The following CUL3 variants were observed in gnomAD, a reference collection of about 807,000 sequenced individuals.
The protein encoded by CUL3 is cullin-3.
Under a neutral mutation model 89.1 loss-of-function variants are expected in CUL3, and 19 were observed. That is an observed-to-expected ratio of 0.21 (90% CI 0.15 to 0.31). The LOEUF (loss-of-function observed/expected upper bound fraction) is 0.31, where lower values mean the gene tolerates loss of function less well. Ranked by LOEUF, CUL3 falls within the 10% of genes least tolerant of loss-of-function variation. The pLI is 1.00. For missense variants in CUL3, 469 were observed against 942.3 expected (o/e 0.50, Z 6.58); for synonymous variants, 351 against 308.4 (o/e 1.14, Z -1.45).
chr2:224,562,459 G>GA (rs1483548902), intron 1 of CUL3, among the ~76,000 whole-genome samples: 1 of 152,010 alleles, frequency 6.6e-6, no homozygotes, highest in Non-Finnish European at 1.5e-5. Context: ...CCAACATGGT[G>GA]AAACCCCATC....
intron 2 of CUL3, among the ~76,000 whole-genome samples, chr2:224,553,975 C>A (rs1270839919): frequency 1.3e-5 from 2 of 152,162 alleles, no homozygotes. Context: ...TGACTGCTCA[C>A]GTAACTTCAA....
In CUL3 at chr2:224,549,006, AAAC is replaced by A. The variant is rs534685744; in HGVS notation, c.264+8650_264+8652del. Reference sequence around the variant, plus strand: ...AACACAATAAGGCCTGGTCTCCAAAAAACAACAACAACAACAACAACAAAAAAG... The same window carrying A: ...AACACAATAAGGCCTGGTCTCCAAAAAACAACAACAACAACAACAAAAAAG... On this transcript the variant is annotated intron_variant, in intron 2 of 15. Transcript: ENST00000264414. Among the ~76,000 whole-genome samples the A allele has an allele frequency of 4.6e-4, 70 of 150,890 alleles. No individual in the cohort carries two copies. In the South Asian group the frequency reaches 8.4e-3, roughly 18 times the overall value.
chr2:224,498,384 T>C (rs1692248585), intron 11 of CUL3, among the ~76,000 whole-genome samples: 1 of 152,216 alleles, frequency 6.6e-6, no homozygotes, highest in African/African-American at 2.4e-5. Context: ...TTATGTTTTT[T>C]GTCACTATCC....
In CUL3 at chr2:224,470,465, G is replaced by A; in HGVS notation, c.*3780C>T. 1 of 230,216 alleles carries A rather than the reference G, an allele frequency of 4.3e-6. No individual in the cohort carries two copies. The highest frequency in any genetic ancestry group is 8.6e-6 in the Non-Finnish European group (1 of 116,364). The allele number at this position is 230,216 out of a possible 1,614,324, so 14.3% of individuals were successfully genotyped here. On this transcript the variant is annotated 3_prime_UTR_variant, in exon 16 of 16. Transcript: ENST00000264414. ...TTTTCTCCTGAGAGCTGGCGTAATG[G>A]CCAATCTCTGTATCATTACCTGTTA... is the stretch of plus-strand genomic sequence containing the variant.
chr2:224,490,513 C>T (rs1010124958), intron 13 of CUL3, among the ~76,000 whole-genome samples: 2 of 152,088 alleles, frequency 1.3e-5, no homozygotes, highest in Middle Eastern at 3.4e-3. Context: ...GGTAGTGGTC[C>T]CCCGGGCCCA....
Position 224,485,067 on chromosome 2 carries a change from A to C in CUL3, c.1843-2989T>G, listed in dbSNP as rs968560892. On this transcript the variant is annotated intron_variant, in intron 13 of 15. Coordinates refer to ENST00000264414, the MANE Select transcript of CUL3 (RefSeq NM_003590.5). The surrounding 1 kb of genome is among the most constrained non-coding windows in gnomAD (Gnocchi z 4.1). ...CCTCCCCTAGCCAAGGGAAGCCCTG[A>C]GGGACTGTGCTATCTGGCCCAAATA... is the stretch of plus-strand genomic sequence containing the variant. The C allele has an allele frequency of 6.6e-6, 1 of 152,310 alleles. No homozygotes were observed. Among genetic ancestry groups the C allele is most frequent in the Non-Finnish European group, 1.5e-5 (1 of 68,118 alleles). The allele number at this position is 152,310 out of a possible 1,614,324, so 9.4% of individuals were successfully genotyped here. A position where few individuals can be genotyped will look rare whatever the true frequency, so the allele number is the denominator to read the frequency against.
At position 224,470,435 on chromosome 2, in the gene CUL3, GTTGT is replaced by G. The variant is rs1178672678; in HGVS notation, c.*3806_*3809del. On this transcript the variant is annotated 3_prime_UTR_variant, in exon 16 of 16. Coordinates refer to ENST00000264414, the MANE Select transcript of CUL3 (RefSeq NM_003590.5). ...AATGCACGGGTTTCAAGACATCCTA[GTTGT>G]TTTTCTCCTGAGAGCTGGCGTAATG... The G allele has an allele frequency of 1.3e-5, 3 of 230,464 alleles. No individual in the cohort carries two copies. Among genetic ancestry groups the G allele is most frequent in the Middle Eastern group, 1.3e-3 (1 of 800 alleles). 14.3% of individuals were successfully genotyped at this position (230,464 alleles called of 1,614,324 possible).
chr2:224,557,883 CAAAAAAAA>C (rs748754000), intron 1 of CUL3, 27 bp from the exon 2 acceptor site: 17 of 112,598 alleles, frequency 1.5e-4, no homozygotes, highest in African/African-American at 2.3e-4. Flanking sequence ...AGAGAAGAGA[CAAAAAAAA>C]AAAAAAAAAA....
In CUL3 at chr2:224,472,208, A is replaced by C. The variant is rs947600979; in HGVS notation, c.*2037T>G. ...CTCCAAAGTTAACAAGTATGTCTCT[A>C]AACTCTAGATCTGATTTTTACAGCC... On this transcript the variant is annotated 3_prime_UTR_variant, in exon 16 of 16. Coordinates refer to ENST00000264414, the MANE Select transcript of CUL3 (RefSeq NM_003590.5). 4 of 223,978 alleles carry C rather than the reference A, an allele frequency of 1.8e-5. No individual in the cohort carries two copies. The highest frequency in any genetic ancestry group is 2.2e-5 in the African/African-American group (1 of 44,874). The allele number at this position is 223,978 out of a possible 1,614,324, so 13.9% of individuals were successfully genotyped here. A position where few individuals can be genotyped will look rare whatever the true frequency, so the allele number is the denominator to read the frequency against.
rs1483765687 is a variant in CUL3 at position 224,585,015 on chromosome 2, T to C, written c.-6A>G. 6.7e-7 allele frequency: 1 copy of C among 1,497,676 alleles called. No individual in the cohort carries two copies. 92.8% of individuals were successfully genotyped at this position (1,497,676 alleles called of 1,614,324 possible). A position where few individuals can be genotyped will look rare whatever the true frequency, so the allele number is the denominator to read the frequency against. On this transcript the variant is annotated 5_prime_UTR_variant, in exon 1 of 16. Transcript: ENST00000264414. The stretch of plus-strand genomic sequence containing the variant: ...CCTTTGCTCAGATTCGACATGGTGC[T>C]CGTCCCCTCCCCGGCGGCGGCTTCA...
chr2:224,515,515 C>T (rs1236489366), intron 3 of CUL3, among the ~76,000 whole-genome samples: 2 of 152,096 alleles, frequency 1.3e-5, no homozygotes, highest in African/African-American at 2.4e-5. Context: ...GGTCTGTGAG[C>T]CTTCTAAAAT....
intron 2 of CUL3, among the ~76,000 whole-genome samples, chr2:224,552,201 A>G (rs903077940): frequency 1.3e-5 from 2 of 151,682 alleles, no homozygotes; most frequent in African/African-American, 4.8e-5. Context: ...GAAAAGCAGA[A>G]CTTTTTTCCT....
chr2:224,584,868 CT>C, intron 1 of CUL3, 75 bp downstream of exon 1: 5 of 1,199,524 alleles, frequency 4.2e-6, no homozygotes, highest in Non-Finnish European at 5.6e-6. Flanking sequence ...TGTTGGGGGA[CT>C]TCAGCCCGGG....
In CUL3 at chr2:224,472,703, T is replaced by G; in HGVS notation, c.*1542A>C. On this transcript the variant is annotated 3_prime_UTR_variant, in exon 16 of 16. Coordinates refer to ENST00000264414, the MANE Select transcript of CUL3 (RefSeq NM_003590.5). Reference sequence around the variant, plus strand: ...TGGAGACAAAATTGCAATAAAAGCATATTTGCAAGTCTAAAAGGAAAATTA... The same window carrying G: ...TGGAGACAAAATTGCAATAAAAGCAGATTTGCAAGTCTAAAAGGAAAATTA... The G allele has an allele frequency of 5.1e-6, 1 of 194,300 alleles. No homozygotes were observed. The highest frequency in any genetic ancestry group is 1.1e-5 in the Non-Finnish European group (1 of 92,980). The allele number at this position is 194,300 out of a possible 1,614,324, so 12.0% of individuals were successfully genotyped here.
chr2:224,497,934 A>G (rs2106184130), intron 11 of CUL3, 85 bp from the exon 12 acceptor site: 2 of 1,022,816 alleles, frequency 2.0e-6, no homozygotes, highest in Non-Finnish European at 3.1e-6. Context: ...TCCCTTAAAC[A>G]TTTGTGTGTG....
At chr2:224,513,477 A>C in intron 5 of CUL3, 47 bp downstream of exon 5, 1 of 1,217,396 alleles carries the variant, frequency 8.2e-7, no homozygotes, top group South Asian at 1.3e-5. Context: ...ATTAAATAAC[A>C]TTAAGAACAT....
chr2:224,526,657 A>G (rs2106247214), intron 3 of CUL3, among the ~76,000 whole-genome samples: 1 of 151,426 alleles, frequency 6.6e-6, no homozygotes, highest in East Asian at 1.9e-4. Flanking sequence ...CACAGGGTCT[A>G]CTTCATGTTA....
chr2:224,538,636 T>C (rs553173061), intron 2 of CUL3, among the ~76,000 whole-genome samples: 49 of 152,180 alleles, frequency 3.2e-4, no homozygotes, highest in African/African-American at 1.1e-3. Flanking sequence ...AAAGAAAACC[T>C]ATACTAAAAT....
At chr2:224,501,163 T>C (rs1213721884) in intron 10 of CUL3, among the ~76,000 whole-genome samples, 1 of 152,052 alleles carries the variant, frequency 6.6e-6, no homozygotes, top group Non-Finnish European at 1.5e-5. Context: ...CATAATATCC[T>C]TCGTCTCAGT....
Sources: allele counts gnomAD v4.1 joint callset (sites outside exome capture counted in the v4.1 genomes callset), GRCh38; gene constraint gnomAD v4.1.1; non-coding constraint Gnocchi (gnomAD v3.1); transcripts MANE v1.5; gene names NCBI Gene and HGNC (gene_info 2026-07-23, HGNC 2026-07-21).